DGCR2: variants seen among roughly 807,000 people sequenced by gnomAD.
DGCR2 encodes integral membrane protein DGCR2/IDD.
DGCR2 carries 24 observed loss-of-function variants against 51.6 expected under a neutral mutation model. The ratio of observed to expected loss-of-function variants is 0.47; its 90% CI spans 0.34 to 0.65. DGCR2 has a LOEUF of 0.65. Ranked by LOEUF, DGCR2 falls within the 30% of genes least tolerant of loss-of-function variation. The probability of loss-of-function intolerance (pLI) is 0.01; values close to 1 mark genes in which losing one functional copy is unlikely to be tolerated. For missense variants in DGCR2, 765 were observed against 772.1 expected (o/e 0.99, Z 0.11); for synonymous variants, 340 against 315.4 (o/e 1.08, Z -0.82).
At chr22:19,066,587 G>A (rs950632983) in intron 3 of DGCR2, among the ~76,000 whole-genome samples, 4 of 152,206 alleles carry the variant, frequency 2.6e-5, no homozygotes, top group Non-Finnish European at 5.9e-5. Context: ...ATGAAGAGGT[G>A]AGGACACTGA....
intron 4 of DGCR2, among the ~76,000 whole-genome samples, chr22:19,064,454 G>A (rs2082724704): frequency 6.6e-6 from 1 of 152,158 alleles, no homozygotes; most frequent in Non-Finnish European, 1.5e-5. Flanking sequence ...TTGCTTTCTT[G>A]GGGGGAACCC....
intron 3 of DGCR2, among the ~76,000 whole-genome samples, chr22:19,066,647 G>C (rs73158808): frequency 0.14 from 21,212 of 152,190 alleles, 1,917 homozygotes; most frequent in South Asian, 0.28. Context: ...AGGAAGCCCT[G>C]TAGGGAGGGA....
chr22:19,110,033 A>T (rs1453337699), intron 1 of DGCR2, among the ~76,000 whole-genome samples: 1 of 152,238 alleles, frequency 6.6e-6, no homozygotes, highest in African/African-American at 2.4e-5. Flanking sequence ...CACCACAGGG[A>T]GTTACACTCA....
intron 6 of DGCR2, among the ~76,000 whole-genome samples, chr22:19,055,392 T>G (rs373815728): frequency 6.6e-6 from 1 of 152,196 alleles, no homozygotes; most frequent in Non-Finnish European, 1.5e-5. Flanking sequence ...TAAAATCCTA[T>G]AGAAGGCATT....
intron 5 of DGCR2, among the ~76,000 whole-genome samples, chr22:19,059,238 G>A (rs557442656): frequency 6.6e-6 from 1 of 152,198 alleles, no homozygotes; most frequent in Non-Finnish European, 1.5e-5. Context: ...TGTGTGAGGA[G>A]CGGTGGGGCT....
intron 5 of DGCR2, chr22:19,061,944 C>T (rs760189832): frequency 6.6e-6 from 1 of 152,198 alleles, no homozygotes; most frequent in Non-Finnish European, 1.5e-5. Context: ...CTGAGCTGCA[C>T]TTGGCCATTA....
At chr22:19,076,175 G>A (rs11703439) in intron 2 of DGCR2, among the ~76,000 whole-genome samples, 1 of 150,602 alleles carries the variant, frequency 6.6e-6, no homozygotes, top group African/African-American at 2.5e-5. Context: ...TTTATTTTTT[G>A]GGGGGGAAGG....
At chr22:19,047,740 G>A (rs999705973) in intron 7 of DGCR2, 3 of 152,522 alleles carry the variant, frequency 2.0e-5, no homozygotes, top group African/African-American at 4.8e-5. Context: ...TAAAGCCCCC[G>A]CCTGGTGGTG....
At chr22:19,062,775 G>GCATTCTTTCTCTTTCTCTCT (rs1555903875) in intron 5 of DGCR2, among the ~76,000 whole-genome samples, 1 of 108,860 alleles carries the variant, frequency 9.2e-6, no homozygotes, top group Non-Finnish European at 1.9e-5. Context: ...ACACATGCAT[G>GCATTCTTTCTCTTTCTCTCT]CTCACTCTCT....
At chr22:19,101,330 G>C (rs1241744566) in intron 1 of DGCR2, among the ~76,000 whole-genome samples, 1 of 152,156 alleles carries the variant, frequency 6.6e-6, no homozygotes, top group East Asian at 1.9e-4. Context: ...GGCCATGACA[G>C]ATGGGAGGAT....
At chr22:19,094,150 G>A (rs1305074184) in intron 1 of DGCR2, among the ~76,000 whole-genome samples, 2 of 152,246 alleles carry the variant, frequency 1.3e-5, no homozygotes, top group Admixed American at 6.5e-5. Flanking sequence ...TGAAAAGGTG[G>A]GGCACGGCGG....
intron 1 of DGCR2, among the ~76,000 whole-genome samples, chr22:19,097,373 T>C (rs920180145): frequency 2.0e-5 from 3 of 152,020 alleles, no homozygotes; most frequent in Non-Finnish European, 4.4e-5. Context: ...GGCCAAGATG[T>C]TGAAACCTCG....
intron 1 of DGCR2, among the ~76,000 whole-genome samples, chr22:19,115,353 C>A (rs1391492464): frequency 1.3e-5 from 2 of 152,204 alleles, no homozygotes; most frequent in Admixed American, 6.5e-5. Flanking sequence ...TGAGGATCCA[C>A]ATTAATGAGA....
At chr22:19,081,397 T>C (rs1351212052) in intron 2 of DGCR2, among the ~76,000 whole-genome samples, 1 of 152,260 alleles carries the variant, frequency 6.6e-6, no homozygotes, top group Non-Finnish European at 1.5e-5. Flanking sequence ...TTCTCTATAT[T>C]GTGCCATATG....
In DGCR2 at chr22:19,057,530, C is replaced by A. The variant is rs897657606; in HGVS notation, c.626-368G>T. Among the ~76,000 whole-genome samples, 93 of 152,168 alleles carry A rather than the reference C, an allele frequency of 6.1e-4. No individual in the cohort carries two copies. Among genetic ancestry groups the A allele is most frequent in the Non-Finnish European group, 1.0e-3 (69 of 68,026 alleles). On this transcript the variant is annotated intron_variant, in intron 5 of 9. Transcript: ENST00000263196. The surrounding 1 kb of genome is among the most constrained non-coding windows in gnomAD (Gnocchi z 5.1). Reference sequence around the variant, plus strand: ...GATTGTGGCACACTGGATTAAAATGCAAACAGGGGAATGGGCAAGGGAAAC... The same window carrying A: ...GATTGTGGCACACTGGATTAAAATGAAAACAGGGGAATGGGCAAGGGAAAC...
chr22:19,104,301 T>C (rs1388662404), intron 1 of DGCR2, among the ~76,000 whole-genome samples: 1 of 152,198 alleles, frequency 6.6e-6, no homozygotes, highest in African/African-American at 2.4e-5. Context: ...TCATGCCCTG[T>C]AGAAACCCAC....
rs1278157389 is a variant in DGCR2 at position 19,038,904 on chromosome 22, A to AC, written c.1613dup (p.Gly539TrpfsTer80). The AC allele has an allele frequency of 6.2e-7, 1 of 1,612,510 alleles. No individual in the cohort carries two copies. Among genetic ancestry groups the AC allele is most frequent in the African/African-American group, 1.3e-5 (1 of 74,886 alleles). On this transcript the variant is annotated frameshift_variant, in exon 10 of 10. Coordinates refer to ENST00000263196, the MANE Select transcript of DGCR2 (RefSeq NM_005137.3). LOFTEE classifies it high-confidence loss of function. ...TGAGGGAGCTGCGGCTGTGGCGGCC[A>AC]CCCCCTGGCAGTGCCTCTGCAGCTG... is the stretch of plus-strand genomic sequence containing the variant.
intron 6 of DGCR2, among the ~76,000 whole-genome samples, chr22:19,051,518 G>A (rs539115579): frequency 6.6e-6 from 1 of 152,272 alleles, no homozygotes; most frequent in East Asian, 1.9e-4. Context: ...CCTAGGAGTT[G>A]CGTTTGAAGC....
At chr22:19,122,034 C>A in intron 1 of DGCR2, 94 bp downstream of exon 1, 1 of 982,920 alleles carries the variant, frequency 1.0e-6, no homozygotes, top group Non-Finnish European at 1.3e-6. Context: ...GGCGCGGCCC[C>A]TGCAGGAGGG....
Sources: allele counts gnomAD v4.1 joint callset (sites outside exome capture counted in the v4.1 genomes callset), GRCh38; gene constraint gnomAD v4.1.1; non-coding constraint Gnocchi (gnomAD v3.1); transcripts MANE v1.5; gene names NCBI Gene and HGNC (gene_info 2026-07-23, HGNC 2026-07-21).